The following HS3ST5 variants were observed in gnomAD, a reference collection of about 807,000 sequenced individuals.
HS3ST5 encodes the protein heparan sulfate-glucosamine 3-sulfotransferase 5.
Under a neutral mutation model 25.4 loss-of-function variants are expected in HS3ST5, and 10 were observed. The ratio of observed to expected loss-of-function variants is 0.39; its 90% CI spans 0.24 to 0.67. The LOEUF (loss-of-function observed/expected upper bound fraction) is 0.67. Ranked by LOEUF, HS3ST5 falls within the 30% of genes least tolerant of loss-of-function variation. The pLI, the probability that HS3ST5 is intolerant of heterozygous loss-of-function variation, is 0.44. For missense variants in HS3ST5, 324 were observed against 420.7 expected, an observed-to-expected ratio of 0.77 and a Z score of 2.01; for synonymous variants, 170 against 162.4, an observed-to-expected ratio of 1.05 and a Z score of -0.36.
Position 114,119,736 on chromosome 6 carries a change from T to C in HS3ST5, c.-33+48615A>G, listed in dbSNP as rs569769256. On this transcript the variant is annotated intron_variant, in intron 3 of 4. Coordinates refer to ENST00000312719, the MANE Select transcript of HS3ST5 (RefSeq NM_153612.4). Reference sequence around the variant, plus strand: ...CTGATTAGGAGCCCTCAATCTTTGCTGGATACTACATGCTTCACCAATTCA... The same window carrying C: ...CTGATTAGGAGCCCTCAATCTTTGCCGGATACTACATGCTTCACCAATTCA... Among the ~76,000 whole-genome samples the C allele has an allele frequency of 1.4e-4, 21 of 152,350 alleles. No individual in the cohort carries two copies. The East Asian group carries it at 4.0e-3, about 29-fold the overall frequency.
At chr6:114,221,676 C>T (rs867589364) in intron 2 of HS3ST5, among the ~76,000 whole-genome samples, 33 of 151,642 alleles carry the variant, frequency 2.2e-4, no homozygotes, top group African/African-American at 7.7e-4. Flanking sequence ...GTTCAGTCCT[C>T]ATTTTTCTGA....
intron 3 of HS3ST5, among the ~76,000 whole-genome samples, chr6:114,063,668 T>A (rs1562180741): frequency 6.6e-6 from 1 of 152,350 alleles, no homozygotes; most frequent in East Asian, 1.9e-4. Context: ...CATATGTTTT[T>A]GTTTTGTTTT....
At chr6:114,196,214 C>T (rs2114335331) in intron 2 of HS3ST5, among the ~76,000 whole-genome samples, 1 of 152,256 alleles carries the variant, frequency 6.6e-6, no homozygotes, top group South Asian at 2.1e-4. Flanking sequence ...GGTGGTACTT[C>T]ACAATGAGAC....
intron 1 of HS3ST5, among the ~76,000 whole-genome samples, chr6:114,269,931 G>A (rs989224738): frequency 1.3e-5 from 2 of 152,038 alleles, no homozygotes; most frequent in Non-Finnish European, 2.9e-5. Flanking sequence ...AGTCACTTTT[G>A]GCCATCATCT....
At chr6:114,082,928 G>A (rs1474172273) in intron 3 of HS3ST5, among the ~76,000 whole-genome samples, 1 of 152,206 alleles carries the variant, frequency 6.6e-6, no homozygotes, top group Non-Finnish European at 1.5e-5. Context: ...GGGGCCACAT[G>A]TGTCAGGGAT....
chr6:114,238,189 T>G (rs540962713), intron 1 of HS3ST5, among the ~76,000 whole-genome samples: 3 of 152,330 alleles, frequency 2.0e-5, no homozygotes, highest in East Asian at 3.9e-4. Flanking sequence ...AACTCTCCCA[T>G]GAGTAAATGT....
At chr6:114,176,041 CA>C (rs1414101928) in intron 2 of HS3ST5, among the ~76,000 whole-genome samples, 1 of 151,956 alleles carries the variant, frequency 6.6e-6, no homozygotes, top group South Asian at 2.1e-4. Flanking sequence ...TGAATGGTAA[CA>C]AAAAACAATT....
chr6:114,315,786 C>A (rs576524296), intron 1 of HS3ST5, among the ~76,000 whole-genome samples: 70 of 152,268 alleles, frequency 4.6e-4, no homozygotes, highest in African/African-American at 1.6e-3. Context: ...CTAAGTTCTT[C>A]AGGAAGAGAA....
chr6:114,248,217 A>AAAAAT (rs779273890), intron 1 of HS3ST5, among the ~76,000 whole-genome samples: 215 of 143,124 alleles, frequency 1.5e-3, no homozygotes, highest in South Asian at 0.013. Flanking sequence ...TGAAAAAAAA[A>AAAAAT]ATATATATAT....
At chr6:114,289,030 A>G (rs1392403689) in intron 1 of HS3ST5, among the ~76,000 whole-genome samples, 2 of 152,134 alleles carry the variant, frequency 1.3e-5, no homozygotes, top group African/African-American at 2.4e-5. Context: ...ACAGTGCCTG[A>G]CACATAGTAG....
chr6:114,084,554 CTCCCTCGT>C (rs1774678100), intron 3 of HS3ST5: 7 of 760,838 alleles, frequency 9.2e-6, no homozygotes, highest in Non-Finnish European at 1.7e-5. Flanking sequence ...GCTGAGTGAG[CTCCCTCGT>C]TGTTGCACGG....
chr6:114,116,861 G>T (rs1409305947), intron 3 of HS3ST5, among the ~76,000 whole-genome samples: 1 of 152,034 alleles, frequency 6.6e-6, no homozygotes, highest in Non-Finnish European at 1.5e-5. Context: ...AGCACTTACT[G>T]TATTATAATA....
chr6:114,193,689 A>T (rs1780610755), intron 2 of HS3ST5, among the ~76,000 whole-genome samples: 1 of 152,182 alleles, frequency 6.6e-6, no homozygotes, highest in Admixed American at 6.5e-5. Context: ...CACATAATAA[A>T]CACTTAAAAA....
At chr6:114,213,967 G>A (rs772135579) in intron 2 of HS3ST5, among the ~76,000 whole-genome samples, 3 of 152,136 alleles carry the variant, frequency 2.0e-5, no homozygotes, top group Non-Finnish European at 4.4e-5. Flanking sequence ...TACTTATTCT[G>A]TTTTTCTTTC....
intron 2 of HS3ST5, among the ~76,000 whole-genome samples, chr6:114,202,214 G>GT (rs1346684163): frequency 6.6e-6 from 1 of 152,118 alleles, no homozygotes; most frequent in Non-Finnish European, 1.5e-5. Flanking sequence ...GAGACCAGGC[G>GT]TTTGACACTA....
intron 1 of HS3ST5, among the ~76,000 whole-genome samples, chr6:114,314,832 C>T (rs1775684606): frequency 6.6e-6 from 1 of 152,120 alleles, no homozygotes; most frequent in Non-Finnish European, 1.5e-5. Context: ...ATGCTGAGCA[C>T]TCAGAAGTTT....
At chr6:114,093,751 G>A (rs1239167154) in intron 3 of HS3ST5, among the ~76,000 whole-genome samples, 2 of 151,970 alleles carry the variant, frequency 1.3e-5, no homozygotes, top group Admixed American at 6.6e-5. Flanking sequence ...CAAAAAAAAC[G>A]AAAACAAGCC....
rs529202732 is a variant in HS3ST5 at position 114,137,835 on chromosome 6, T to C, written c.-33+30516A>G. On this transcript the variant is annotated intron_variant, in intron 3 of 4. Coordinates refer to ENST00000312719, the MANE Select transcript of HS3ST5 (RefSeq NM_153612.4). ...TCCTCTGGCATCCAACGCTGTGCCTTGTTGGTGGCACTGATGACTAATTGG... is the reference window on the plus strand; with the variant it reads ...TCCTCTGGCATCCAACGCTGTGCCTCGTTGGTGGCACTGATGACTAATTGG... Among the ~76,000 whole-genome samples, 121 of 152,338 alleles carry C rather than the reference T, an allele frequency of 7.9e-4. 1 individual carries two copies. Among genetic ancestry groups the C allele is most frequent in the African/African-American group, 2.9e-3 (120 of 41,582 alleles).
chr6:114,285,322 G>C (rs1774291444), intron 1 of HS3ST5, among the ~76,000 whole-genome samples: 1 of 151,930 alleles, frequency 6.6e-6, no homozygotes, highest in Admixed American at 6.6e-5. Flanking sequence ...GAGAGGATCA[G>C]AAAAATAACT....
Sources: allele counts gnomAD v4.1 joint callset (sites outside exome capture counted in the v4.1 genomes callset), GRCh38; gene constraint gnomAD v4.1.1; transcripts MANE v1.5; gene names NCBI Gene and HGNC (gene_info 2026-07-23, HGNC 2026-07-21).